RBPJ: variants seen among roughly 807,000 people sequenced by gnomAD.
RBPJ encodes the protein recombination signal binding protein for immunoglobulin kappa J region.
RBPJ carries 9 observed loss-of-function variants against 67.8 expected under a neutral mutation model. The ratio of observed to expected loss-of-function variants is 0.13; its 90% CI spans 0.08 to 0.23. The LOEUF is 0.23. Among genes scored for constraint, RBPJ ranks in the 10% least tolerant of loss-of-function variants. RBPJ has a pLI of 1.00. For synonymous variants in RBPJ, 198 were observed against 203.3 expected (o/e 0.97, Z 0.22); for missense variants, 305 against 595.6 (o/e 0.51, Z 5.08).
At chr4:26,144,828 G>A in the RBPJ span, among the ~76,000 whole-genome samples, 1 of 152,026 alleles carries the variant, frequency 6.6e-6, no homozygotes, top group Non-Finnish European at 1.5e-5. Context: ...CTTTGATTCC[G>A]GAGCCAGTGA....
chr4:26,123,120 A>G, the RBPJ span, among the ~76,000 whole-genome samples: 1 of 152,154 alleles, frequency 6.6e-6, no homozygotes, highest in Admixed American at 6.5e-5. Context: ...CATAGAGTGT[A>G]CTTATATACT....
intron 1 of RBPJ, among the ~76,000 whole-genome samples, chr4:26,353,594 A>G (rs1298349845): frequency 1.3e-5 from 2 of 149,784 alleles, no homozygotes; most frequent in African/African-American, 4.9e-5. Context: ...AATTGTTCTT[A>G]TAATTCACAG....
At chr4:26,141,811 C>T in the RBPJ span, among the ~76,000 whole-genome samples, 1 of 152,216 alleles carries the variant, frequency 6.6e-6, no homozygotes, top group Non-Finnish European at 1.5e-5. Context: ...CTCCCCCTTT[C>T]CCTTCCCAGC....
chr4:26,276,923 C>T (rs1283598088), intron 1 of RBPJ, among the ~76,000 whole-genome samples: 1 of 152,092 alleles, frequency 6.6e-6, no homozygotes, highest in African/African-American at 2.4e-5. Flanking sequence ...TGTATTTATT[C>T]TGGCTAGATG....
chr4:26,422,828 C>G (rs1735283636), intron 5 of RBPJ, among the ~76,000 whole-genome samples: 1 of 152,160 alleles, frequency 6.6e-6, no homozygotes, highest in African/African-American at 2.4e-5. Context: ...GCCCCACTTT[C>G]TTCTGCCCTT....
chr4:26,154,449 T>C, the RBPJ span, among the ~76,000 whole-genome samples: 1 of 152,186 alleles, frequency 6.6e-6, no homozygotes, highest in African/African-American at 2.4e-5. Flanking sequence ...CCGTGTGGAC[T>C]CACCTGCTTT....
chr4:26,428,572 G>A (rs1183061911), intron 7 of RBPJ, 148 bp from the exon 8 acceptor site: 3 of 569,198 alleles, frequency 5.3e-6, no homozygotes, highest in Non-Finnish European at 6.1e-6. Flanking sequence ...CTTTTTGTTT[G>A]TGAATGTTTT....
intron 1 of RBPJ, among the ~76,000 whole-genome samples, chr4:26,300,807 C>T (rs1033418802): frequency 5.9e-5 from 9 of 152,050 alleles, no homozygotes; most frequent in African/African-American, 9.7e-5. Flanking sequence ...TTTGAATCAA[C>T]GGATGACAGA....
At chr4:26,120,867 G>A in the RBPJ span, among the ~76,000 whole-genome samples, 1 of 147,026 alleles carries the variant, frequency 6.8e-6, no homozygotes, top group South Asian at 2.2e-4. Context: ...AGATGCCCCA[G>A]CTATTCTTAT....
At position 26,424,260 on chromosome 4, in the gene RBPJ, C is replaced by A; in HGVS notation, c.497-82C>A. On this transcript the variant is annotated intron_variant, in intron 5 of 10. Transcript: ENST00000355476. This position sits in a 1 kb window ranked among gnomAD's most constrained non-coding sequence, Gnocchi z 5.3. Reference sequence around the variant, plus strand: ...AATGATAAGAAAGAATAATTATACACTGCCAAGCAGAATTTCCTTCTTTTG... The same window carrying A: ...AATGATAAGAAAGAATAATTATACAATGCCAAGCAGAATTTCCTTCTTTTG... The A allele has an allele frequency of 1.5e-6, 2 of 1,313,334 alleles. No individual in the cohort carries two copies. Among genetic ancestry groups the A allele is most frequent in the South Asian group, 1.3e-5 (1 of 78,624 alleles). 81.4% of individuals were successfully genotyped at this position (1,313,334 alleles called of 1,614,324 possible).
upstream of RBPJ, among the ~76,000 whole-genome samples, chr4:26,316,692 A>G (rs975715362): frequency 1.5e-4 from 21 of 143,468 alleles, 1 homozygote; most frequent in East Asian, 4.3e-3. Flanking sequence ...ATATACACAT[A>G]TTGTGTATAT....
chr4:26,415,738 C>A, intron 4 of RBPJ, 98 bp downstream of exon 4: 2 of 1,154,034 alleles, frequency 1.7e-6, no homozygotes, highest in Non-Finnish European at 2.5e-6. Context: ...TCTTTAATAA[C>A]TATTGGTAAC....
intron 1 of RBPJ, among the ~76,000 whole-genome samples, chr4:26,246,322 C>G (rs1250684825): frequency 6.6e-6 from 1 of 152,060 alleles, no homozygotes; most frequent in Non-Finnish European, 1.5e-5. Flanking sequence ...CTTTTTGATG[C>G]TGTCATAAAT....
intron 1 of RBPJ, among the ~76,000 whole-genome samples, chr4:26,300,875 C>T (rs1247767177): frequency 6.6e-6 from 1 of 152,092 alleles, no homozygotes; most frequent in Non-Finnish European, 1.5e-5. Flanking sequence ...GAGCTTGAGT[C>T]ATATAAGTAT....
At chr4:26,289,437 G>A (rs1350041421) in intron 1 of RBPJ, among the ~76,000 whole-genome samples, 6 of 146,852 alleles carry the variant, frequency 4.1e-5, no homozygotes, top group East Asian at 2.0e-4. Flanking sequence ...ATAATTCTAG[G>A]CACCAGAAAT....
intron 1 of RBPJ, among the ~76,000 whole-genome samples, chr4:26,384,785 T>C (rs1487052558): frequency 1.1e-4 from 14 of 124,730 alleles, no homozygotes; most frequent in South Asian, 6.2e-4. Flanking sequence ...TCCTCTCTCC[T>C]CTCCCCTCTC....
At chr4:26,157,228 A>T in the RBPJ span, among the ~76,000 whole-genome samples, 4 of 151,778 alleles carry the variant, frequency 2.6e-5, no homozygotes, top group African/African-American at 7.3e-5. Context: ...CCAGAAGTTC[A>T]AGACCAGCCT....
chr4:26,342,614 G>C (rs1264728405), intron 1 of RBPJ, among the ~76,000 whole-genome samples: 1 of 152,176 alleles, frequency 6.6e-6, no homozygotes, highest in Non-Finnish European at 1.5e-5. Flanking sequence ...TCTCAGTCCA[G>C]GCAGATTATA....
chr4:26,352,049 A>G (rs1051585359), intron 1 of RBPJ, among the ~76,000 whole-genome samples: 1 of 152,200 alleles, frequency 6.6e-6, no homozygotes, highest in Non-Finnish European at 1.5e-5. Flanking sequence ...ATTGTTTTCA[A>G]TTCAGAGTAG....
Sources: gnomAD v4.1 joint callset for allele counts (sites outside exome capture counted in the v4.1 genomes callset) on GRCh38, gnomAD v4.1.1 for gene constraint, Gnocchi (gnomAD v3.1) non-coding constraint, MANE v1.5 for transcripts, NCBI Gene and HGNC (gene_info 2026-07-23, HGNC 2026-07-21) for gene names.